Variants in TENM1 observed in about 807,000 individuals in gnomAD.
TENM1 encodes the protein teneurin transmembrane protein 1.
In TENM1, 35 loss-of-function variants were observed where a neutral mutation model predicts 174.8. The ratio of observed to expected loss-of-function variants is 0.20; its 90% confidence interval spans 0.15 to 0.27. The LOEUF (loss-of-function observed/expected upper bound fraction) is 0.27, where lower values mean the gene tolerates loss of function less well. Among genes scored for constraint, TENM1 ranks in the 10% least tolerant of loss-of-function variants. The pLI, the probability that TENM1 is intolerant of heterozygous loss-of-function variation, is 1.00. For synonymous variants in TENM1, 781 were observed against 798.7 expected (o/e 0.98, Z 0.37); for missense variants, 1,633 against 2,130.1 (o/e 0.77, Z 4.59).
intron 3 of TENM1, among the ~76,000 whole-genome samples, chrX:124,835,053 A>G (rs983929065): frequency 1.8e-5 from 2 of 111,850 alleles, no homozygotes; most frequent in African/African-American, 3.2e-5. Flanking sequence ...ACTCCCCAAC[A>G]GGCACCTTTC....
At chrX:124,701,423 G>C (rs934290832) in intron 5 of TENM1, among the ~76,000 whole-genome samples, 3 of 111,476 alleles carry the variant, frequency 2.7e-5, no homozygotes, top group African/African-American at 9.8e-5. Flanking sequence ...AGCTGTGTTT[G>C]TGCCCTTCAC....
At chrX:124,969,728 G>A in the TENM1 span, among the ~76,000 whole-genome samples, 1 of 111,368 alleles carries the variant, frequency 9.0e-6, no homozygotes, top group Non-Finnish European at 1.9e-5. Context: ...CCTACAGTCT[G>A]TCTCCAATGG....
the TENM1 span, among the ~76,000 whole-genome samples, chrX:125,124,979 G>A: frequency 0.016 from 1,797 of 112,178 alleles, 12 homozygotes; most frequent in Middle Eastern, 0.065. Context: ...TTTCAAAAGG[G>A]CATTCAAATG....
intron 3 of TENM1, among the ~76,000 whole-genome samples, chrX:124,863,465 T>C (rs1419110583): frequency 9.0e-6 from 1 of 111,118 alleles, no homozygotes; most frequent in Non-Finnish European, 1.9e-5. Context: ...TAAATGAACA[T>C]CAGCAGTAGT....
chrX:124,492,476 T>C (rs760344062), intron 20 of TENM1, among the ~76,000 whole-genome samples: 108 of 110,405 alleles, frequency 9.8e-4, no homozygotes, highest in Non-Finnish European at 1.7e-3. Context: ...AGTACACATA[T>C]AGGCAACTGA....
the TENM1 span, among the ~76,000 whole-genome samples, chrX:125,076,630 TGTTTGGA>T: frequency 2.7e-5 from 3 of 111,437 alleles, no homozygotes; most frequent in South Asian, 7.5e-4. Context: ...GCATAGGCAG[TGTTTGGA>T]TTAGAATATC....
chrX:124,543,901 T>C (rs2048375106), intron 15 of TENM1, among the ~76,000 whole-genome samples: 1 of 112,370 alleles, frequency 8.9e-6, no homozygotes, highest in Non-Finnish European at 1.9e-5. Flanking sequence ...AGGTCTGGTC[T>C]CTCTTGGTTG....
At chrX:124,378,653 T>C (rs145191052) in exon 32 of TENM1, 229 of 112,341 alleles carry the variant, frequency 2.0e-3, no homozygotes, top group African/African-American at 7.0e-3. Flanking sequence ...TCAGAATACA[T>C]GTGTAAGTGG....
intron 3 of TENM1, among the ~76,000 whole-genome samples, chrX:124,738,777 C>A (rs1467056236): frequency 1.8e-5 from 2 of 111,571 alleles, no homozygotes; most frequent in Non-Finnish European, 3.8e-5. Context: ...TTTGGGGACT[C>A]AAAGAAGCAT....
At chrX:124,912,776 G>A (rs960233645) in intron 1 of TENM1, among the ~76,000 whole-genome samples, 7 of 111,695 alleles carry the variant, frequency 6.3e-5, no homozygotes, top group Admixed American at 5.7e-4. Flanking sequence ...CTTGCGAACA[G>A]TTTGATTTTA....
chrX:124,465,118 C>T (rs1374293863), intron 22 of TENM1, among the ~76,000 whole-genome samples: 1 of 112,180 alleles, frequency 8.9e-6, no homozygotes, highest in African/African-American at 3.2e-5. Context: ...TTGCCTTTGT[C>T]TAATAGTGAG....
chrX:124,695,170 ATGGAC>A (rs1329949354), intron 5 of TENM1, among the ~76,000 whole-genome samples: 2 of 111,021 alleles, frequency 1.8e-5, no homozygotes, highest in East Asian at 5.7e-4. Context: ...TGGGTATTCG[ATGGAC>A]TGGAGCGTTC....
intron 14 of TENM1, among the ~76,000 whole-genome samples, chrX:124,550,201 C>T (rs745467172): frequency 9.0e-6 from 1 of 111,585 alleles, no homozygotes; most frequent in Admixed American, 9.5e-5. Context: ...GTGATCAAGT[C>T]ATCACTAGTA....
chrX:124,700,372 A>G (rs1375222991), intron 5 of TENM1, among the ~76,000 whole-genome samples: 2 of 111,618 alleles, frequency 1.8e-5, no homozygotes, highest in Non-Finnish European at 3.8e-5. Flanking sequence ...CATTACCCTT[A>G]CCCCAGCTCA....
At chrX:124,748,312 A>G (rs1159030819) in intron 3 of TENM1, among the ~76,000 whole-genome samples, 1 of 110,640 alleles carries the variant, frequency 9.0e-6, no homozygotes, top group Non-Finnish European at 1.9e-5. Context: ...CTAGTGATAA[A>G]CATACAAAAT....
At chrX:125,160,544 C>CA in the TENM1 span, among the ~76,000 whole-genome samples, 9,727 of 28,879 alleles carry the variant, frequency 0.34, 2,671 homozygotes, top group African/African-American at 0.38. Context: ...GACCCCGTCT[C>CA]AAAAAAAAAA....
At chrX:124,418,724 T>C (rs1167082659) in intron 25 of TENM1, among the ~76,000 whole-genome samples, 1 of 112,439 alleles carries the variant, frequency 8.9e-6, no homozygotes, top group Non-Finnish European at 1.9e-5. Context: ...GAAAACTAGT[T>C]AATACTTCAG....
chrX:124,865,007 T>G (rs1188593078), intron 3 of TENM1, among the ~76,000 whole-genome samples: 1 of 111,263 alleles, frequency 9.0e-6, no homozygotes, highest in Non-Finnish European at 1.9e-5. Flanking sequence ...GAATAGTATA[T>G]TCAGTAAAAA....
chrX:124,459,519 T>G (rs2061144989), intron 22 of TENM1, among the ~76,000 whole-genome samples: 1 of 111,179 alleles, frequency 9.0e-6, no homozygotes, highest in African/African-American at 3.3e-5. Flanking sequence ...TAAATGGTGC[T>G]ACAATAACTG....
Sources: gnomAD v4.1 joint callset for allele counts (sites outside exome capture counted in the v4.1 genomes callset) on GRCh38, gnomAD v4.1.1 for gene constraint, MANE v1.5 for transcripts, NCBI Gene and HGNC (gene_info 2026-07-23, HGNC 2026-07-21) for gene names.